AGBL3: variants seen among roughly 807,000 people sequenced by gnomAD.
AGBL3 encodes the protein cytosolic carboxypeptidase 3.
A neutral mutation model predicts 94.5 loss-of-function variants in AGBL3; 68 were observed. The observed-to-expected ratio is 0.72, with a 90% CI of 0.59 to 0.88. The LOEUF (loss-of-function observed/expected upper bound fraction) is 0.88, where lower values mean the gene tolerates loss of function less well. Ranked by LOEUF, AGBL3 falls within the 40% of genes least tolerant of loss-of-function variation. The pLI is 0.00. For synonymous variants in AGBL3, 354 were observed against 370.7 expected, an observed-to-expected ratio of 0.95 and a Z score of 0.52; for missense variants, 934 against 1,103.8, an observed-to-expected ratio of 0.85 and a Z score of 2.18.
intron 12 of AGBL3, among the ~76,000 whole-genome samples, chr7:135,061,026 G>A (rs1451296537): frequency 6.6e-6 from 1 of 151,208 alleles, no homozygotes; most frequent in Non-Finnish European, 1.5e-5. Context: ...CAGTGTACAG[G>A]GGTTCCTTTT....
At chr7:135,116,487 T>G (rs1293628352) in intron 16 of AGBL3, among the ~76,000 whole-genome samples, 1 of 152,196 alleles carries the variant, frequency 6.6e-6, no homozygotes. Flanking sequence ...AAACCCTGAC[T>G]CTTCACTAGG....
At chr7:135,083,341 T>A (rs1474017080) in intron 15 of AGBL3, among the ~76,000 whole-genome samples, 2 of 152,180 alleles carry the variant, frequency 1.3e-5, no homozygotes, top group African/African-American at 4.8e-5. Flanking sequence ...TTTTAGTGAT[T>A]CCCAGTCATC....
At chr7:134,999,221 T>C (rs1811399750) in intron 4 of AGBL3, among the ~76,000 whole-genome samples, 1 of 152,140 alleles carries the variant, frequency 6.6e-6, no homozygotes, top group Non-Finnish European at 1.5e-5. Flanking sequence ...ATTCTAAGCA[T>C]TTTGTATCCA....
chr7:135,105,221 C>G (rs1308175577), intron 15 of AGBL3, among the ~76,000 whole-genome samples: 1 of 152,080 alleles, frequency 6.6e-6, no homozygotes, highest in African/African-American at 2.4e-5. Flanking sequence ...AGGTGCCCAC[C>G]ACCACGTCTG....
chr7:135,092,314 T>C (rs562317192), intron 15 of AGBL3: 2 of 152,232 alleles, frequency 1.3e-5, no homozygotes, highest in South Asian at 2.1e-4. Flanking sequence ...GAACATTCAT[T>C]GGTATATTTT....
intron 8 of AGBL3, among the ~76,000 whole-genome samples, chr7:135,042,275 G>A (rs1381818911): frequency 1.3e-5 from 2 of 152,110 alleles, no homozygotes; most frequent in Non-Finnish European, 2.9e-5. Flanking sequence ...AACCCAAAAT[G>A]TCCTTTAACT....
At chr7:135,004,157 T>C (rs1234682268) in intron 4 of AGBL3, among the ~76,000 whole-genome samples, 3 of 151,718 alleles carry the variant, frequency 2.0e-5, no homozygotes, top group Admixed American at 6.6e-5. Flanking sequence ...TTACTAAACT[T>C]TATTAAATGC....
Position 135,044,167 on chromosome 7 carries a change from C to T in AGBL3, c.1627+16C>T. ...TCTACTCTGGGTAAGACCAAGGGTT[C>T]TCATTCACAGCTCTCAAAGCTTTAA... On this transcript the variant is annotated intron_variant, in intron 9 of 16. Transcript: ENST00000436302. 2 of 1,539,150 alleles carry T rather than the reference C, an allele frequency of 1.3e-6. No individual in the cohort carries two copies. Among genetic ancestry groups the T allele is most frequent in the Middle Eastern group, 3.4e-4 (2 of 5,928 alleles).
chr7:135,047,815 A>G (rs1057501797), intron 11 of AGBL3, among the ~76,000 whole-genome samples: 2 of 151,824 alleles, frequency 1.3e-5, no homozygotes, highest in South Asian at 2.1e-4. Context: ...TTTCCATTCT[A>G]TAGGCCACTT....
At chr7:135,129,707 A>C in intron 16 of AGBL3, 1 of 757,148 alleles carries the variant, frequency 1.3e-6, no homozygotes, top group Non-Finnish European at 2.4e-6. Context: ...CTACTGCTCA[A>C]GATATGGAAG....
At chr7:135,071,138 TA>T (rs1278074510) in intron 12 of AGBL3, among the ~76,000 whole-genome samples, 1 of 151,960 alleles carries the variant, frequency 6.6e-6, no homozygotes, top group Non-Finnish European at 1.5e-5. Flanking sequence ...TCAAAGAGAA[TA>T]AAATACCTAG....
At chr7:135,048,988 G>C (rs1459802213) in intron 11 of AGBL3, among the ~76,000 whole-genome samples, 2 of 151,656 alleles carry the variant, frequency 1.3e-5, no homozygotes. Flanking sequence ...TTTACCTTCA[G>C]TGGCCAGGTG....
intron 12 of AGBL3, 101 bp from the exon 13 acceptor site, chr7:135,076,296 C>A: frequency 1.1e-6 from 1 of 902,436 alleles, no homozygotes; most frequent in Non-Finnish European, 1.7e-6. Flanking sequence ...AAGTACTTCT[C>A]ATCTTCTTAG....
In AGBL3 at chr7:135,102,919, G is replaced by C. The variant is rs111295350; in HGVS notation, c.2111-12461G>C. Among the ~76,000 whole-genome samples, 31 of 152,128 alleles carry C rather than the reference G, an allele frequency of 2.0e-4. No homozygotes were observed. The South Asian group carries it at 6.4e-3, about 32-fold the overall frequency. Reference sequence around the variant, plus strand: ...ACACCAATTATAAAAGAAAAACTTGGTAAATGAACTTCATCAAAATCATTC... The same window carrying C: ...ACACCAATTATAAAAGAAAAACTTGCTAAATGAACTTCATCAAAATCATTC... On this transcript the variant is annotated intron_variant, in intron 15 of 16. Coordinates refer to ENST00000436302, the MANE Select transcript of AGBL3 (RefSeq NM_178563.4).
At chr7:135,016,154 G>T (rs2133485178) in intron 4 of AGBL3, among the ~76,000 whole-genome samples, 1 of 152,102 alleles carries the variant, frequency 6.6e-6, no homozygotes, top group East Asian at 1.9e-4. Context: ...GACTTAAGTT[G>T]GTTAAGACTT....
chr7:135,120,578 G>T (rs761426399), intron 16 of AGBL3, among the ~76,000 whole-genome samples: 48 of 152,292 alleles, frequency 3.2e-4, no homozygotes, highest in Admixed American at 6.5e-4. Context: ...TTAAATGGCA[G>T]ATTTAAGTCC....
At chr7:135,116,086 A>T (rs990337687) in intron 16 of AGBL3, among the ~76,000 whole-genome samples, 2 of 152,244 alleles carry the variant, frequency 1.3e-5, no homozygotes, top group East Asian at 3.8e-4. Context: ...AAGTAAAGAC[A>T]GTAATAAGCT....
rs548342865 is a variant in AGBL3 at position 135,031,656 on chromosome 7, T to C, written c.419-1188T>C. On this transcript the variant is annotated intron_variant, in intron 5 of 16. Coordinates refer to ENST00000436302, the MANE Select transcript of AGBL3 (RefSeq NM_178563.4). ...TTCTTTCAGGCTTGCTTTGATTTTG[T>C]ATAGAGGCAGGTCTGTTTTCATTTT... Among the ~76,000 whole-genome samples, 132 of 152,312 alleles carry C rather than the reference T, an allele frequency of 8.7e-4. 1 individual carries two copies. The highest frequency in any genetic ancestry group is 3.1e-3 in the African/African-American group (129 of 41,562).
intron 3 of AGBL3, among the ~76,000 whole-genome samples, chr7:134,991,039 T>C (rs1810172730): frequency 6.6e-6 from 1 of 152,178 alleles, no homozygotes; most frequent in Non-Finnish European, 1.5e-5. Flanking sequence ...GCCTTTGCTA[T>C]GCTTATTTGG....
Sources: gnomAD v4.1 joint callset for allele counts (sites outside exome capture counted in the v4.1 genomes callset) on GRCh38, gnomAD v4.1.1 for gene constraint, MANE v1.5 for transcripts, NCBI Gene and HGNC (gene_info 2026-07-23, HGNC 2026-07-21) for gene names.